UPB1: variants seen among roughly 807,000 people sequenced by gnomAD.
UPB1 encodes beta-ureidopropionase.
Under a neutral mutation model 49.1 loss-of-function variants are expected in UPB1, and 40 were observed. The ratio of observed to expected loss-of-function variants is 0.81; its 90% CI spans 0.63 to 1.06. UPB1 has a LOEUF of 1.06. UPB1 is among the 50% of genes least tolerant of loss of function. UPB1 has a pLI of 0.00. For synonymous variants in UPB1, 207 were observed against 198.2 expected (o/e 1.04, Z -0.38); for missense variants, 499 against 505.9 (o/e 0.99, Z 0.13).
chr22:24,502,470 A>G, intron 3 of UPB1: 1 of 780,776 alleles, frequency 1.3e-6, no homozygotes. Context: ...ACCTGGTCCA[A>G]GCCCCTGGCA....
At chr22:24,520,513 G>A (rs765298274) in intron 7 of UPB1, 45 bp downstream of exon 7, 35 of 1,600,390 alleles carry the variant, frequency 2.2e-5, no homozygotes, top group Non-Finnish European at 2.7e-5. Context: ...CCACCTGGTG[G>A]CTCTGGTGGG....
At chr22:24,496,402 CAT>C (rs1555883943) in intron 1 of UPB1, among the ~76,000 whole-genome samples, 1,170 of 108,348 alleles carry the variant, frequency 0.011, 13 homozygotes, top group South Asian at 0.031. Flanking sequence ...CACACACACA[CAT>C]ACACACACAC....
Position 24,495,508 on chromosome 22 carries a change from G to T in UPB1, c.104+1G>T, listed in dbSNP as rs767437619. On this transcript the variant is annotated splice_donor_variant, in intron 1 of 9. Transcript: ENST00000326010. LOFTEE classifies it high-confidence loss of function. ...GCGTTCTCTATGGCAAGGAACTCAG[G>T]TCCGCAGCCAAGAGGCTAAGCTAAT... 1 of 1,613,972 alleles carries T rather than the reference G, an allele frequency of 6.2e-7. No homozygotes were observed. Among genetic ancestry groups the T allele is most frequent in the East Asian group, 2.2e-5 (1 of 44,882 alleles).
chr22:24,509,367 A>G (rs1383148107), intron 3 of UPB1, among the ~76,000 whole-genome samples: 6 of 22,300 alleles, frequency 2.7e-4, no homozygotes, highest in South Asian at 8.2e-4. Flanking sequence ...GTTTGAAAAA[A>G]AAAAAAAAAA....
chr22:24,519,155 T>C (rs933436449), intron 6 of UPB1, among the ~76,000 whole-genome samples: 1 of 152,226 alleles, frequency 6.6e-6, no homozygotes. Flanking sequence ...TTTGTCAGCT[T>C]GGCTTAGCAG....
At chr22:24,501,102 C>A (rs915890772) in intron 2 of UPB1, among the ~76,000 whole-genome samples, 1 of 152,200 alleles carries the variant, frequency 6.6e-6, no homozygotes, top group Non-Finnish European at 1.5e-5. Context: ...CCTCTATCAT[C>A]CCAGACTGTC....
In UPB1 at chr22:24,495,357, A is replaced by T. The variant is rs370806200; in HGVS notation, c.-47A>T. On this transcript the variant is annotated 5_prime_UTR_variant, in exon 1 of 10. It adds an upstream start codon to the 5' untranslated region. Coordinates refer to ENST00000326010, the MANE Select transcript of UPB1 (RefSeq NM_016327.3). Reference sequence around the variant, plus strand: ...GGGCACCTCCTCCCACTGCGGGCAAAGGGCAGGCAGTTCGTGCGCGGACAC... The same window carrying T: ...GGGCACCTCCTCCCACTGCGGGCAATGGGCAGGCAGTTCGTGCGCGGACAC... The T allele has an allele frequency of 9.4e-6, 15 of 1,600,516 alleles. No homozygotes were observed. The African/African-American group carries it at 1.9e-4, about 20-fold the overall frequency.
chr22:24,517,638 T>A (rs1178213283), intron 6 of UPB1, among the ~76,000 whole-genome samples: 1 of 152,224 alleles, frequency 6.6e-6, no homozygotes, highest in Non-Finnish European at 1.5e-5. Context: ...CCCAGTGTAA[T>A]ATGCATATAA....
chr22:24,515,324 G>A lies in UPB1; in HGVS notation c.745G>A (p.Gly249Arg), dbSNP rs139932368. The A allele has an allele frequency of 1.6e-5, 26 of 1,613,990 alleles. 1 individual carries two copies. In the African/African-American group the frequency reaches 2.5e-4, roughly 16 times the overall value. The change falls in exon 6 of 10, where the codon GGG (glycine) becomes AGG (arginine). Residue 249 changes from glycine (G) to arginine (R), a missense_variant. Gly to Arg is a moderately radical substitution (Grantham distance 125). Coordinates refer to ENST00000326010, the MANE Select transcript of UPB1 (RefSeq NM_016327.3). ...PLNWLMYSINGAEIIFNPSAT... is the reference protein window; with the variant it reads ...PLNWLMYSINRAEIIFNPSAT... ...CAACTGGCTTATGTACAGCATCAAC[G>A]GGGCTGAGATCATCTTCAACCCCTC...
chr22:24,507,980 T>C (rs903725956), intron 3 of UPB1, among the ~76,000 whole-genome samples: 1 of 152,098 alleles, frequency 6.6e-6, no homozygotes. Flanking sequence ...ACTTTTCCGC[T>C]GCACACCGGA....
intron 4 of UPB1, among the ~76,000 whole-genome samples, chr22:24,511,439 A>G (rs1453653625): frequency 6.6e-6 from 1 of 151,910 alleles, no homozygotes; most frequent in African/African-American, 2.4e-5. Flanking sequence ...GGTGATGAAA[A>G]TGTTCTAAAA....
In UPB1 at chr22:24,520,417, C is replaced by T. The variant is rs201230760; in HGVS notation, c.822C>T (p.Asn274=). 2.7e-5 allele frequency: 44 copies of T among 1,614,192 alleles called. No homozygotes were observed. The highest frequency in any genetic ancestry group is 1.3e-4 in the Admixed American group (8 of 60,028). ...SESLWPIEAR[N]AAIANHCFTC... ...CCCTGTGGCCCATCGAGGCCAGAAA[C>T]GCAGCCATTGCCAATCACTGCTTCA... Residue 274 remains asparagine, a synonymous_variant, in exon 7 of 10, where the codon AAC becomes AAT. Coordinates refer to ENST00000326010, the MANE Select transcript of UPB1 (RefSeq NM_016327.3).
In UPB1 at chr22:24,512,594, T is replaced by C. The variant is rs536324230; in HGVS notation, c.460-730T>C. Among the ~76,000 whole-genome samples the C allele has an allele frequency of 2.7e-4, 41 of 152,352 alleles. No homozygotes were observed. In the South Asian group the frequency reaches 6.2e-3, roughly 23 times the overall value. ...ATTTTAACCACTTTTAAGTGCACAGTTCAGTAGTGTAAAGTATATTCACAC... is the reference window on the plus strand; with the variant it reads ...ATTTTAACCACTTTTAAGTGCACAGCTCAGTAGTGTAAAGTATATTCACAC... On this transcript the variant is annotated intron_variant, in intron 4 of 9. Transcript: ENST00000326010.
chr22:24,512,235 G>A (rs1376383248), intron 4 of UPB1, among the ~76,000 whole-genome samples: 2 of 152,222 alleles, frequency 1.3e-5, no homozygotes, highest in Non-Finnish European at 2.9e-5. Context: ...ATAAGTCTGA[G>A]CCAGGGCTGG....
At position 24,502,301 on chromosome 22, in the gene UPB1, T is replaced by C. The variant is rs748036102; in HGVS notation, c.364+88T>C. On this transcript the variant is annotated intron_variant, in intron 3 of 9. Coordinates refer to ENST00000326010, the MANE Select transcript of UPB1 (RefSeq NM_016327.3). ...GCCAAGAGTGTCTGCTGCCTGACTT[T>C]TAAAGAATCTCCTTTGTTTCCTCAT... The C allele has an allele frequency of 3.7e-6, 5 of 1,360,296 alleles. No homozygotes were observed. In the Admixed American group the frequency reaches 8.4e-5, roughly 23 times the overall value. The allele number at this position is 1,360,296 out of a possible 1,614,324, so 84.3% of individuals were successfully genotyped here. A position where few individuals can be genotyped will look rare whatever the true frequency, so the allele number is the denominator to read the frequency against.
chr22:24,496,688 A>G (rs1280564576), intron 1 of UPB1, among the ~76,000 whole-genome samples: 2 of 152,260 alleles, frequency 1.3e-5, no homozygotes, highest in Admixed American at 6.5e-5. Flanking sequence ...TGGTCATTCC[A>G]GGTGAAGGAG....
intron 2 of UPB1, among the ~76,000 whole-genome samples, chr22:24,501,865 C>T (rs563257578): frequency 2.0e-5 from 3 of 152,248 alleles, no homozygotes; most frequent in African/African-American, 7.2e-5. Context: ...TCTCAGCAAC[C>T]CCACAGGTCA....
intron 3 of UPB1, among the ~76,000 whole-genome samples, chr22:24,509,428 A>G (rs969925293): frequency 6.7e-6 from 1 of 148,708 alleles, no homozygotes; most frequent in Non-Finnish European, 1.5e-5. Context: ...GAAATTTCCT[A>G]CTGAATTAGC....
At chr22:24,519,842 TGC>T (rs1483522536) in intron 6 of UPB1, 3 of 207,958 alleles carry the variant, frequency 1.4e-5, no homozygotes, top group Non-Finnish European at 3.0e-5. Flanking sequence ...GTACAGCCTG[TGC>T]TCAGCCCTCA....
Sources: gnomAD v4.1 joint callset for allele counts (sites outside exome capture counted in the v4.1 genomes callset) on GRCh38, gnomAD v4.1.1 for gene constraint, MANE v1.5 for transcripts, NCBI Gene and HGNC (gene_info 2026-07-23, HGNC 2026-07-21) for gene names.